Variants in PTPRK observed in about 807,000 individuals in gnomAD.
PTPRK encodes receptor-type tyrosine-protein phosphatase kappa.
PTPRK carries 75 observed loss-of-function variants against 178.0 expected under a neutral mutation model. That is an observed-to-expected ratio of 0.42 (90% CI 0.35 to 0.51). The LOEUF (loss-of-function observed/expected upper bound fraction) is 0.51. Ranked by LOEUF, PTPRK falls within the 20% of genes least tolerant of loss-of-function variation. The pLI is 0.02. For missense variants in PTPRK, 1,441 were observed against 1,797.8 expected, an observed-to-expected ratio of 0.80 and a Z score of 3.59; for synonymous variants, 637 against 620.6, an observed-to-expected ratio of 1.03 and a Z score of -0.39.
intron 3 of PTPRK, among the ~76,000 whole-genome samples, chr6:128,306,004 G>A (rs1826323406): frequency 6.6e-6 from 1 of 152,212 alleles, no homozygotes; most frequent in African/African-American, 2.4e-5. Context: ...GCAGGACAGA[G>A]TGAAGGGGGA....
chr6:127,980,550 G>A, intron 25 of PTPRK, among the ~76,000 whole-genome samples: 1 of 151,700 alleles, frequency 6.6e-6, no homozygotes, highest in East Asian at 1.9e-4. Context: ...TTCTGTCTAT[G>A]GGCTATATAA....
intron 5 of PTPRK, among the ~76,000 whole-genome samples, chr6:128,239,032 C>G (rs1813867937): frequency 1.3e-5 from 2 of 150,982 alleles, no homozygotes; most frequent in Admixed American, 6.6e-5. Context: ...CACCTGCAAA[C>G]TAATAGTTAT....
chr6:128,325,560 A>AT (rs201110975), intron 2 of PTPRK, among the ~76,000 whole-genome samples: 1,783 of 152,264 alleles, frequency 0.012, 55 homozygotes, highest in Admixed American at 0.066. Context: ...GCCAACAAAC[A>AT]TAAAAAAAAA....
At chr6:128,347,477 G>A (rs1295208227) in intron 2 of PTPRK, among the ~76,000 whole-genome samples, 1 of 152,104 alleles carries the variant, frequency 6.6e-6, no homozygotes, top group South Asian at 2.1e-4. Context: ...CCGTGAAGAA[G>A]GGTCAATGTG....
intron 13 of PTPRK, among the ~76,000 whole-genome samples, chr6:128,046,796 TG>T (rs1481460092): frequency 6.6e-6 from 1 of 152,116 alleles, no homozygotes; most frequent in Non-Finnish European, 1.5e-5. Flanking sequence ...AGTTCACCAG[TG>T]GTGACTCTAA....
At chr6:127,990,025 C>G (rs754206841) in intron 21 of PTPRK, among the ~76,000 whole-genome samples, 7 of 152,088 alleles carry the variant, frequency 4.6e-5, no homozygotes, top group Non-Finnish European at 1.0e-4. Context: ...AGCCACCTTA[C>G]GTTATTCTTT....
chr6:128,462,018 A>G (rs1849109568), intron 1 of PTPRK, among the ~76,000 whole-genome samples: 1 of 152,154 alleles, frequency 6.6e-6, no homozygotes, highest in Non-Finnish European at 1.5e-5. Flanking sequence ...TTTAAGAGAC[A>G]GGGTCTTGCG....
intron 3 of PTPRK, among the ~76,000 whole-genome samples, chr6:128,277,374 C>G (rs1738291): frequency 1.3e-5 from 2 of 152,008 alleles, no homozygotes; most frequent in Admixed American, 6.6e-5. Flanking sequence ...AGATAAAATA[C>G]GAAACTGTCA....
At chr6:128,222,339 C>T (rs1278729911) in intron 5 of PTPRK, among the ~76,000 whole-genome samples, 1 of 152,196 alleles carries the variant, frequency 6.6e-6, no homozygotes, top group East Asian at 1.9e-4. Context: ...GGGACAGCTA[C>T]CATTTTCCTG....
intron 2 of PTPRK, among the ~76,000 whole-genome samples, chr6:128,326,856 C>T (rs865912470): frequency 1.3e-5 from 2 of 151,938 alleles, no homozygotes; most frequent in South Asian, 2.1e-4. Context: ...ACAGAGACTA[C>T]ATGAATACTA....
At chr6:128,246,538 ATTCCTT>A (rs895886990) in intron 3 of PTPRK, among the ~76,000 whole-genome samples, 2 of 152,216 alleles carry the variant, frequency 1.3e-5, no homozygotes, top group African/African-American at 4.8e-5. Flanking sequence ...CTAAGATCAG[ATTCCTT>A]TACTGCTAAA....
chr6:128,022,416 C>G (rs1206595865), intron 13 of PTPRK, among the ~76,000 whole-genome samples: 1 of 152,112 alleles, frequency 6.6e-6, no homozygotes, highest in Non-Finnish European at 1.5e-5. Context: ...TACTCAGCAG[C>G]CTTTAAGCAA....
chr6:128,014,169 T>C (rs192940311), intron 13 of PTPRK, among the ~76,000 whole-genome samples: 46 of 151,756 alleles, frequency 3.0e-4, no homozygotes, highest in Admixed American at 9.2e-4. Context: ...TGATCAGACA[T>C]ATCTCTTACT....
At chr6:128,086,085 A>T (rs1785758555) in intron 8 of PTPRK, among the ~76,000 whole-genome samples, 1 of 152,192 alleles carries the variant, frequency 6.6e-6, no homozygotes, top group Admixed American at 6.5e-5. Flanking sequence ...TCACATTTCC[A>T]CATCAACAAC....
At chr6:128,135,963 G>A (rs1050264198) in intron 7 of PTPRK, among the ~76,000 whole-genome samples, 2 of 152,238 alleles carry the variant, frequency 1.3e-5, no homozygotes, top group Non-Finnish European at 2.9e-5. Flanking sequence ...AAATTCGTAC[G>A]TTGAAGCCGT....
chr6:128,156,060 C>T (rs931452787), intron 7 of PTPRK, among the ~76,000 whole-genome samples: 3 of 151,870 alleles, frequency 2.0e-5, no homozygotes, highest in African/African-American at 7.3e-5. Flanking sequence ...AAGTTTCTTA[C>T]AACTTAAATT....
chr6:128,344,041 T>C (rs1380603811), intron 2 of PTPRK, among the ~76,000 whole-genome samples: 1 of 152,188 alleles, frequency 6.6e-6, no homozygotes, highest in Non-Finnish European at 1.5e-5. Flanking sequence ...CTATCTGCCT[T>C]ATAGGAATGT....
intron 6 of PTPRK, among the ~76,000 whole-genome samples, chr6:128,197,728 T>C (rs973473836): frequency 1.3e-5 from 2 of 151,842 alleles, no homozygotes; most frequent in African/African-American, 2.4e-5. Flanking sequence ...CTATACTAGA[T>C]AGATTTTTGT....
chr6:128,296,022 A>C (rs565834677), intron 3 of PTPRK, among the ~76,000 whole-genome samples: 21 of 152,218 alleles, frequency 1.4e-4, no homozygotes, highest in African/African-American at 5.1e-4. Context: ...CTCTACTCAA[A>C]AGCTTCCAAT....
Sources: allele counts gnomAD v4.1 joint callset (sites outside exome capture counted in the v4.1 genomes callset), GRCh38; gene constraint gnomAD v4.1.1; transcripts MANE v1.5; gene names NCBI Gene and HGNC (gene_info 2026-07-23, HGNC 2026-07-21).